CREB5: variants seen among roughly 807,000 people sequenced by gnomAD.
CREB5 encodes cyclic AMP-responsive element-binding protein 5.
CREB5 carries 19 observed loss-of-function variants against 57.1 expected under a neutral mutation model. That is an observed-to-expected ratio of 0.33 (90% CI 0.23 to 0.49). The LOEUF (loss-of-function observed/expected upper bound fraction) is 0.49. Among genes scored for constraint, CREB5 ranks in the 20% least tolerant of loss-of-function variants. The pLI, the probability that CREB5 is intolerant of heterozygous loss-of-function variation, is 0.99. For missense variants in CREB5, 579 were observed against 671.6 expected, an observed-to-expected ratio of 0.86 and a Z score of 1.52; for synonymous variants, 238 against 238.3, an observed-to-expected ratio of 1.00 and a Z score of 0.01.
At chr7:28,531,487 A>G (rs140737260) in intron 4 of CREB5, among the ~76,000 whole-genome samples, 3 of 152,072 alleles carry the variant, frequency 2.0e-5, no homozygotes, top group Non-Finnish European at 4.4e-5. Context: ...TCATAAGGAC[A>G]CCACTCATGA....
intron 5 of CREB5, among the ~76,000 whole-genome samples, chr7:28,596,466 G>C (rs1044972978): frequency 6.6e-6 from 1 of 152,256 alleles, no homozygotes; most frequent in Non-Finnish European, 1.5e-5. Context: ...AGTCACAGAT[G>C]CTGAGAAGCA....
At chr7:28,468,932 C>T (rs1014385431) in intron 1 of CREB5, among the ~76,000 whole-genome samples, 2 of 152,204 alleles carry the variant, frequency 1.3e-5, no homozygotes, top group Non-Finnish European at 2.9e-5. Context: ...TGGGATGGAG[C>T]TCAAATTCAA....
At chr7:28,401,377 T>C (rs951851954) in intron 1 of CREB5, among the ~76,000 whole-genome samples, 51 of 149,826 alleles carry the variant, frequency 3.4e-4, no homozygotes, top group African/African-American at 1.2e-3. Context: ...GATCTAGCTG[T>C]CTATTGTTAT....
intron 1 of CREB5, among the ~76,000 whole-genome samples, chr7:28,446,658 G>T (rs960081548): frequency 6.6e-6 from 1 of 152,152 alleles, no homozygotes; most frequent in Non-Finnish European, 1.5e-5. Flanking sequence ...TGGGCGTGGT[G>T]GTGGGTGCCT....
Position 28,560,887 on chromosome 7 carries a change from CGTGT to C in CREB5, c.292-9472_292-9469del, listed in dbSNP as rs1175327761. On this transcript the variant is annotated intron_variant, in intron 4 of 10. Coordinates refer to ENST00000357727, the MANE Select transcript of CREB5 (RefSeq NM_182898.4). ...GTGCCTGCGTGCGCGTGCGTGCGTG[CGTGT>C]GTGTGCGTGCGCGCGTGCGTGTGCG... 2.5e-3 allele frequency among the ~76,000 whole-genome samples: 33 copies of C among 13,098 alleles called. 5 individuals are homozygous for C. Among genetic ancestry groups the C allele is most frequent in the South Asian group, 0.014 (3 of 208 alleles). The allele number at this position is 13,098 out of a possible 152,430, so 8.6% of individuals were successfully genotyped here. A position where few individuals can be genotyped will look rare whatever the true frequency, so the allele number is the denominator to read the frequency against.
At chr7:28,318,449 A>G (rs1785419637) in intron 1 of CREB5, among the ~76,000 whole-genome samples, 1 of 152,252 alleles carries the variant, frequency 6.6e-6, no homozygotes, top group Non-Finnish European at 1.5e-5. Context: ...AAGTTTCAAA[A>G]TATGTTTACT....
At chr7:28,445,520 A>C (rs1479195452) in intron 1 of CREB5, among the ~76,000 whole-genome samples, 1 of 151,806 alleles carries the variant, frequency 6.6e-6, no homozygotes, top group Non-Finnish European at 1.5e-5. Context: ...GAAGAGTGAA[A>C]GTGGGTCCCG....
At chr7:28,553,786 G>A (rs536452200) in intron 4 of CREB5, among the ~76,000 whole-genome samples, 54 of 152,304 alleles carry the variant, frequency 3.5e-4, no homozygotes, top group Middle Eastern at 3.4e-3. Flanking sequence ...TTAAGTGGCC[G>A]ACTGGGACTC....
intron 7 of CREB5, among the ~76,000 whole-genome samples, chr7:28,742,192 G>T (rs1467122791): frequency 6.6e-6 from 1 of 151,954 alleles, no homozygotes; most frequent in African/African-American, 2.4e-5. Flanking sequence ...TGATGGAAAT[G>T]ACCTACAGAA....
chr7:28,321,132 A>G (rs1346162605), intron 1 of CREB5, among the ~76,000 whole-genome samples: 1 of 152,208 alleles, frequency 6.6e-6, no homozygotes, highest in African/African-American at 2.4e-5. Context: ...AGAGCATGTA[A>G]AGAACTTGGA....
chr7:28,466,832 G>T (rs1055634221), intron 1 of CREB5, among the ~76,000 whole-genome samples: 1 of 152,162 alleles, frequency 6.6e-6, no homozygotes, highest in South Asian at 2.1e-4. Context: ...GTGCTCATAT[G>T]GTTCTGGGCG....
At chr7:28,642,725 T>C (rs951518639) in intron 5 of CREB5, among the ~76,000 whole-genome samples, 1 of 152,132 alleles carries the variant, frequency 6.6e-6, no homozygotes, top group Admixed American at 6.5e-5. Context: ...TGTATTAGTC[T>C]CATCTCAGTT....
chr7:28,646,409 T>C (rs998981398), intron 5 of CREB5, among the ~76,000 whole-genome samples: 1 of 152,190 alleles, frequency 6.6e-6, no homozygotes, highest in East Asian at 1.9e-4. Flanking sequence ...CATCTTTCTC[T>C]AAAGGCCTGG....
At chr7:28,671,830 T>A (rs1800052720) in intron 5 of CREB5, among the ~76,000 whole-genome samples, 1 of 152,158 alleles carries the variant, frequency 6.6e-6, no homozygotes, top group Admixed American at 6.5e-5. Flanking sequence ...AAGATAAAAA[T>A]AGCCAGATTT....
At chr7:28,798,936 T>A (rs1196088854) in intron 7 of CREB5, among the ~76,000 whole-genome samples, 1 of 152,152 alleles carries the variant, frequency 6.6e-6, no homozygotes, top group Non-Finnish European at 1.5e-5. Context: ...AAAAGAAAAA[T>A]CATTCTGCAA....
chr7:28,621,256 G>A (rs369726112), intron 5 of CREB5, among the ~76,000 whole-genome samples: 2 of 152,148 alleles, frequency 1.3e-5, no homozygotes, highest in East Asian at 3.8e-4. Context: ...GTCAGGTGGT[G>A]TGTAAAAAAT....
rs75847209 is a variant in CREB5 at position 28,518,221 on chromosome 7, G to C, written c.291+10484G>C. On this transcript the variant is annotated intron_variant, in intron 4 of 10. Transcript: ENST00000357727. ...TTGAAAGTTAATCATAGTGCTGACC[G>C]AATCCTGCCTGAGTTGGTGCTGGGC... Among the ~76,000 whole-genome samples the C allele has an allele frequency of 2.9e-3, 444 of 152,268 alleles. 29 individuals are homozygous for C. The East Asian group carries it at 0.08, about 27-fold the overall frequency.
In CREB5 at chr7:28,804,403, C is replaced by T; in HGVS notation, c.907C>T (p.Pro303Ser). The change falls in exon 8 of 11, where the codon CCT (proline) becomes TCT (serine). Residue 303 changes from proline to serine, a missense_variant. Around this residue, in one of 3 missense-constraint regions of CREB5, gnomAD observed 459 missense variants for 515.7 expected, o/e 0.89. Transcript: ENST00000357727. ...QHQHPAHHPH[P>S]QPHHQQNHPH... ...CCAGCACCCAGCACACCATCCTCAC[C>T]CTCAACCCCATCACCAGCAGAACCA... 1 of 1,613,948 alleles carries T rather than the reference C, an allele frequency of 6.2e-7. No homozygotes were observed. The highest frequency in any genetic ancestry group is 8.5e-7 in the Non-Finnish European group (1 of 1,179,948).
chr7:28,730,870 A>G (rs1176863813), intron 7 of CREB5, among the ~76,000 whole-genome samples: 1 of 152,172 alleles, frequency 6.6e-6, no homozygotes, highest in Non-Finnish European at 1.5e-5. Context: ...CTATTATATC[A>G]TGCTATCCCT....
Sources: gnomAD v4.1 joint callset for allele counts (sites outside exome capture counted in the v4.1 genomes callset) on GRCh38, gnomAD v4.1.1 for gene constraint, gnomAD v4.1.1 regional missense constraint, MANE v1.5 for transcripts, NCBI Gene and HGNC (gene_info 2026-07-23, HGNC 2026-07-21) for gene names.